Variants in COQ4 observed in about 807,000 individuals in gnomAD.
COQ4 encodes the protein coenzyme Q4.
COQ4 carries 36 observed loss-of-function variants against 30.2 expected under a neutral mutation model. That is an observed-to-expected ratio of 1.19 (90% CI 0.91 to 1.57). The LOEUF (loss-of-function observed/expected upper bound fraction) is 1.57. Among genes scored for constraint, COQ4 ranks in the 40% most tolerant of loss-of-function variants. COQ4 has a pLI of 0.00. For synonymous variants in COQ4, 197 were observed against 161.0 expected (o/e 1.22, Z -1.69); for missense variants, 369 against 371.9 (o/e 0.99, Z 0.07).
intron 4 of COQ4, among the ~76,000 whole-genome samples, chr9:128,328,325 C>T (rs1217711119): frequency 6.6e-6 from 1 of 152,248 alleles, no homozygotes; most frequent in Non-Finnish European, 1.5e-5. Context: ...CCTGTCCCAT[C>T]TTCCCTCCCT....
intron 4 of COQ4, 55 bp downstream of exon 4, chr9:128,325,936 C>A: frequency 6.9e-7 from 1 of 1,458,014 alleles, no homozygotes; most frequent in Non-Finnish European, 9.6e-7. Context: ...AGAGGAATAG[C>A]ACAGGCATGA....
chr9:128,325,714 G>A (rs995942289), intron 3 of COQ4, 65 bp from the exon 4 acceptor site: 28 of 1,264,844 alleles, frequency 2.2e-5, no homozygotes, highest in African/African-American at 1.6e-4. Context: ...CCCTCAGCTC[G>A]CTGTAGTTGG....
Position 128,323,011 on chromosome 9 carries a change from C to G in COQ4, c.71-5C>G, listed in dbSNP as rs760080044. 2.3e-5 allele frequency: 37 copies of G among 1,611,322 alleles called. No individual in the cohort carries two copies. In the Admixed American group the frequency reaches 5.7e-4, roughly 25 times the overall value. On this transcript the variant is annotated splice_region_variant and splice_polypyrimidine_tract_variant and intron_variant, in intron 1 of 6. Coordinates refer to ENST00000300452, the MANE Select transcript of COQ4 (RefSeq NM_016035.5). Reference sequence around the variant, plus strand: ...TCTGACCTCGGCCTTTTTCTTGCCCCGCAGAAATGCCCCTCCGGGCTAGGA... The same window carrying G: ...TCTGACCTCGGCCTTTTTCTTGCCCGGCAGAAATGCCCCTCCGGGCTAGGA...
chr9:128,328,923 G>A (rs1381339701), intron 4 of COQ4, among the ~76,000 whole-genome samples: 2 of 152,166 alleles, frequency 1.3e-5, no homozygotes, highest in East Asian at 1.9e-4. Flanking sequence ...TTGTAACCGC[G>A]CTGGCGATTG....
intron 4 of COQ4, among the ~76,000 whole-genome samples, chr9:128,326,680 T>C (rs1228393734): frequency 1.3e-5 from 2 of 152,078 alleles, no homozygotes; most frequent in Admixed American, 1.3e-4. Flanking sequence ...CCTGACCACG[T>C]GATCCGCCCG....
intron 5 of COQ4, 26 bp from the exon 6 acceptor site, chr9:128,332,824 C>A (rs773974377): frequency 6.4e-7 from 1 of 1,568,356 alleles, no homozygotes; most frequent in Admixed American, 1.7e-5. Context: ...AGCTTGTTCA[C>A]CTCCCAACAC....
At position 128,333,522 on chromosome 9, in the gene COQ4, C is replaced by T. The variant is rs1184282546; in HGVS notation, c.675C>T (p.Asn225=). 2.4e-5 allele frequency: 39 copies of T among 1,597,574 alleles called. No homozygotes were observed. Among genetic ancestry groups the T allele is most frequent in the Non-Finnish European group, 3.0e-5 (35 of 1,172,866 alleles). Residue 225 remains asparagine, a synonymous_variant, in exon 7 of 7, where the codon AAC becomes AAT. Coordinates refer to ENST00000300452, the MANE Select transcript of COQ4 (RefSeq NM_016035.5). ...AGTTGATCCCATGGGCCGTTCAGAA[C>T]GGGCGCAGAGCCCCATGTGTCCTCA... The part of the protein sequence containing the change: ...VSELIPWAVQ[N]GRRAPCVLNL...
At chr9:128,330,355 A>G (rs1234275227) in intron 4 of COQ4, 3 of 151,962 alleles carry the variant, frequency 2.0e-5, no homozygotes, top group Non-Finnish European at 4.4e-5. Flanking sequence ...CCTGGGCGAC[A>G]GAGTGAGACT....
intron 4 of COQ4, chr9:128,326,117 C>G (rs1285302836): frequency 5.2e-6 from 3 of 578,942 alleles, no homozygotes; most frequent in South Asian, 2.1e-5. Context: ...TGATGCCAGC[C>G]TCATCCGTGA....
intron 4 of COQ4, among the ~76,000 whole-genome samples, chr9:128,330,167 G>A (rs908271979): frequency 6.6e-6 from 1 of 150,610 alleles, no homozygotes; most frequent in Non-Finnish European, 1.5e-5. Flanking sequence ...TCAGGAGTTT[G>A]AGACCAGCCT....
At position 128,332,845 on chromosome 9, in the gene COQ4, C is replaced by G. The variant is rs753852424; in HGVS notation, c.533-5C>G. On this transcript the variant is annotated splice_region_variant and splice_polypyrimidine_tract_variant and intron_variant, in intron 5 of 6. Coordinates refer to ENST00000300452, the MANE Select transcript of COQ4 (RefSeq NM_016035.5). ...TTCACCTCCCAACACATCCCTCACC[C>G]ACAGGGGAGATCGTGGTGAAATGGT... 1 of 1,611,164 alleles carries G rather than the reference C, an allele frequency of 6.2e-7. No homozygotes were observed. Among genetic ancestry groups the G allele is most frequent in the Admixed American group, 1.7e-5 (1 of 60,020 alleles).
chr9:128,331,032 T>C (rs1476453190), intron 4 of COQ4: 1 of 151,726 alleles, frequency 6.6e-6, no homozygotes, highest in Non-Finnish European at 1.5e-5. Flanking sequence ...AGAGACGGAG[T>C]TTCACCGTGT....
chr9:128,333,762 T>G lies in COQ4; in HGVS notation c.*117T>G. 1.0e-6 allele frequency: 1 copy of G among 982,594 alleles called. No individual in the cohort carries two copies. Among genetic ancestry groups the G allele is most frequent in the Non-Finnish European group, 1.4e-6 (1 of 710,266 alleles). The allele number at this position is 982,594 out of a possible 1,614,324, so 60.9% of individuals were successfully genotyped here. On this transcript the variant is annotated 3_prime_UTR_variant, in exon 7 of 7. Transcript: ENST00000300452. ...TTGAACACTGACCCTTGGACAACATTTATCATAATTTGTCATAACCACTGC... is the reference window on the plus strand; with the variant it reads ...TTGAACACTGACCCTTGGACAACATGTATCATAATTTGTCATAACCACTGC...
chr9:128,326,268 C>G (rs1171378636), intron 4 of COQ4: 1 of 367,272 alleles, frequency 2.7e-6, no homozygotes, highest in African/African-American at 2.1e-5. Context: ...GTAATCAATC[C>G]CAGATCATGC....
chr9:128,323,249 C>T, intron 2 of COQ4, 102 bp downstream of exon 2: 1 of 1,086,644 alleles, frequency 9.2e-7, no homozygotes, highest in Non-Finnish European at 1.3e-6. Context: ...CTGGTTGCAG[C>T]TCGTAACCAC....
rs1832230836 is a variant in COQ4 at position 128,322,913 on chromosome 9, C to T, written c.55C>T (p.Gln19Ter). The stretch of plus-strand genomic sequence containing the variant: ...TCGGCTCTGCGGGCTCCCGGGCCTA[C>T]AGCGGCCTGCGGCAGGCAAGTGGCG... ...LRRLCGLPGL[Q>*]RPAAEMPLRA... The change falls in exon 1 of 7, where the codon CAG becomes TAG. Residue 19 changes from glutamine to a stop codon, truncating the protein, a stop_gained. Coordinates refer to ENST00000300452, the MANE Select transcript of COQ4 (RefSeq NM_016035.5). LOFTEE classifies it high-confidence loss of function. 1.3e-6 allele frequency: 2 copies of T among 1,599,012 alleles called. No individual in the cohort carries two copies. Among genetic ancestry groups the T allele is most frequent in the Non-Finnish European group, 1.7e-6 (2 of 1,176,994 alleles).
chr9:128,329,628 C>G (rs1832374399), intron 4 of COQ4, among the ~76,000 whole-genome samples: 1 of 152,218 alleles, frequency 6.6e-6, no homozygotes, highest in Admixed American at 6.5e-5. Flanking sequence ...CCTTGGCCTC[C>G]CAAAGTGTTG....
Position 128,323,148 on chromosome 9 carries a change from G to A in COQ4, c.202+1G>A. 1 of 1,585,540 alleles carries A rather than the reference G, an allele frequency of 6.3e-7. No individual in the cohort carries two copies. The highest frequency in any genetic ancestry group is 8.5e-7 in the Non-Finnish European group (1 of 1,169,740). On this transcript the variant is annotated splice_donor_variant, in intron 2 of 6. Transcript: ENST00000300452. LOFTEE classifies it high-confidence loss of function. ...GCGCTCTATAACCCCTACCGCCACGGTAAGGCCGCCCGCGCCTCGCCCCCG... is the reference window on the plus strand; with the variant it reads ...GCGCTCTATAACCCCTACCGCCACGATAAGGCCGCCCGCGCCTCGCCCCCG...
At chr9:128,328,146 G>C (rs926778572) in intron 4 of COQ4, among the ~76,000 whole-genome samples, 2 of 152,272 alleles carry the variant, frequency 1.3e-5, no homozygotes, top group African/African-American at 4.8e-5. Context: ...CAGGGAGACA[G>C]TGAGTGGGCT....
Sources: gnomAD v4.1 joint callset for allele counts (sites outside exome capture counted in the v4.1 genomes callset) on GRCh38, gnomAD v4.1.1 for gene constraint, MANE v1.5 for transcripts, NCBI Gene and HGNC (gene_info 2026-07-23, HGNC 2026-07-21) for gene names.